POMK: variants seen among roughly 807,000 people sequenced by gnomAD.
The protein encoded by POMK is protein O-mannose kinase, also known as Sugen kinase 196.
A neutral mutation model predicts 23.0 loss-of-function variants in POMK; 19 were observed. That is an observed-to-expected ratio of 0.83 (90% CI 0.58 to 1.21). The LOEUF (loss-of-function observed/expected upper bound fraction) is 1.21, where lower values mean the gene tolerates loss of function less well. Among genes scored for constraint, POMK ranks in the 50% most tolerant of loss-of-function variants. The pLI, the probability that POMK is intolerant of heterozygous loss-of-function variation, is 0.00. For synonymous variants in POMK, 173 were observed against 171.6 expected (o/e 1.01, Z -0.06); for missense variants, 410 against 431.3 (o/e 0.95, Z 0.44).
intron 4 of POMK, among the ~76,000 whole-genome samples, chr8:43,112,774 A>T (rs1044847876): frequency 4.6e-5 from 7 of 152,212 alleles, no homozygotes; most frequent in African/African-American, 1.7e-4. Flanking sequence ...ATTCTTAGAG[A>T]AAAGAATTTT....
In POMK at chr8:43,103,630, G is replaced by T. The variant is rs201506618; in HGVS notation, c.82G>T (p.Ala28Ser). ...AGCTGTTGGGCTGCTGCTGATCATG[G>T]CCCTGATGAATACTCTGCTCTACCT... ...PPAVGLLLIM[A>S]LMNTLLYLCL... The change falls in exon 4 of 5, where the codon GCC becomes TCC. Residue 28 changes from alanine (A) to serine (S), a missense_variant. Ala to Ser is a moderately conservative substitution (Grantham distance 99). Coordinates refer to ENST00000331373, the MANE Select transcript of POMK (RefSeq NM_032237.5). 3.8e-5 allele frequency: 61 copies of T among 1,613,798 alleles called. No homozygotes were observed. Among genetic ancestry groups the T allele is most frequent in the Middle Eastern group, 1.6e-4 (1 of 6,084 alleles).
Position 43,122,959 on chromosome 8 carries a change from CTGAG to C in POMK, c.*84_*87del, listed in dbSNP as rs1318908101. 9 of 1,309,788 alleles carry C rather than the reference CTGAG, an allele frequency of 6.9e-6. No individual in the cohort carries two copies. Among genetic ancestry groups the C allele is most frequent in the Admixed American group, 2.3e-5 (1 of 44,046 alleles). The allele number at this position is 1,309,788 out of a possible 1,614,324, so 81.1% of individuals were successfully genotyped here. ...CTACTCTGATGGTGGAGTTTTTTGCCTGAGTTTCGTGTTTTATTGTTTTTTTTAT... is the reference window on the plus strand; with the variant it reads ...CTACTCTGATGGTGGAGTTTTTTGCCTTTCGTGTTTTATTGTTTTTTTTAT... On this transcript the variant is annotated 3_prime_UTR_variant, in exon 5 of 5. Transcript: ENST00000331373.
chr8:43,103,821 T>C lies in POMK; in HGVS notation c.273T>C (p.Ala91=). The C allele has an allele frequency of 1.2e-6, 2 of 1,614,176 alleles. No homozygotes were observed. The highest frequency in any genetic ancestry group is 1.7e-6 in the Non-Finnish European group (2 of 1,179,988). ...VRQLKRVGEG[A]VKRVFLSEWK... is the part of the protein sequence containing the mutation. ...AGCTGAAGCGTGTTGGGGAAGGAGC[T>C]GTAAAGAGAGTGAGTCCGGGTTCAT... Residue 91 remains alanine, a synonymous_variant, in exon 4 of 5, where the codon GCT becomes GCC. Transcript: ENST00000331373.
chr8:43,095,667 T>C lies in POMK; in HGVS notation c.-209-1857T>C, dbSNP rs144316770. Among the ~76,000 whole-genome samples the C allele has an allele frequency of 2.5e-3, 383 of 152,308 alleles. 2 individuals are homozygous for C. The highest frequency in any genetic ancestry group is 0.011 in the South Asian group (53 of 4,828). On this transcript the variant is annotated intron_variant, in intron 1 of 4. Transcript: ENST00000331373. ...GGTTTATGATGAAGCCTCTAGCCTC[T>C]TCACTTGCACAAATACCTTCCAAAA... is the stretch of plus-strand genomic sequence containing the variant.
At chr8:43,098,025 C>T (rs541322699) in intron 2 of POMK, among the ~76,000 whole-genome samples, 17 of 152,274 alleles carry the variant, frequency 1.1e-4, no homozygotes, top group African/African-American at 4.1e-4. Flanking sequence ...ATGCCATCAC[C>T]TAAGGCAGGG....
intron 3 of POMK, among the ~76,000 whole-genome samples, 177 bp downstream of exon 3, chr8:43,102,777 C>G (rs1292228866): frequency 6.6e-6 from 1 of 152,226 alleles, no homozygotes; most frequent in African/African-American, 2.4e-5. Flanking sequence ...GGTCCTACTT[C>G]AGGCTTCTCC....
intron 2 of POMK, among the ~76,000 whole-genome samples, chr8:43,099,212 A>G (rs545479551): frequency 6.6e-6 from 1 of 152,226 alleles, no homozygotes; most frequent in African/African-American, 2.4e-5. Flanking sequence ...TGGCCTCCCA[A>G]AGTGCCGGGA....
At position 43,122,148 on chromosome 8, in the gene POMK, A is replaced by C. The variant is rs764321374; in HGVS notation, c.324A>C (p.Ser108=). 1.5e-5 allele frequency: 24 copies of C among 1,614,060 alleles called. No individual in the cohort carries two copies. Among genetic ancestry groups the C allele is most frequent in the Non-Finnish European group, 2.0e-5 (24 of 1,180,038 alleles). ...GGAAGGAGCACAAAGTTGCACTCTC[A>C]CAGCTCACCAGCCTGGAGATGAAAG... ...SEWKEHKVAL[S]QLTSLEMKDD... is the part of the protein sequence containing the mutation. Residue 108 remains serine, a synonymous_variant, in exon 5 of 5, where the codon TCA becomes TCC. Coordinates refer to ENST00000331373, the MANE Select transcript of POMK (RefSeq NM_032237.5).
At position 43,122,804 on chromosome 8, in the gene POMK, T is replaced by C; in HGVS notation, c.980T>C (p.Val327Ala). 1 of 1,614,098 alleles carries C rather than the reference T, an allele frequency of 6.2e-7. No homozygotes were observed. The highest frequency in any genetic ancestry group is 8.5e-7 in the Non-Finnish European group (1 of 1,180,018). Reference sequence around the variant, plus strand: ...TCAGAAAGACCCACTGCCCAGGACGTTCTGGAGACCTACCAGAAGGTCTTG... The same window carrying C: ...TCAGAAAGACCCACTGCCCAGGACGCTCTGGAGACCTACCAGAAGGTCTTG... Reference protein sequence around the residue: ...TPSERPTAQDVLETYQKVLDT... With the variant: ...TPSERPTAQDALETYQKVLDT... The change falls in exon 5 of 5, where the codon GTT becomes GCT. Residue 327 changes from valine to alanine, a missense_variant. Coordinates refer to ENST00000331373, the MANE Select transcript of POMK (RefSeq NM_032237.5).
At chr8:43,114,110 G>A (rs555407715) in intron 4 of POMK, among the ~76,000 whole-genome samples, 148 of 152,308 alleles carry the variant, frequency 9.7e-4, no homozygotes, top group African/African-American at 2.7e-3. Context: ...CTCCAGCTGC[G>A]TGCTGGGAGA....
At chr8:43,114,584 G>A (rs139202438) in intron 4 of POMK, among the ~76,000 whole-genome samples, 11 of 152,312 alleles carry the variant, frequency 7.2e-5, no homozygotes, top group East Asian at 3.9e-4. Context: ...CTGCCTCGCC[G>A]TGCTTCGGCT....
At chr8:43,103,904 T>C in intron 4 of POMK, 74 bp downstream of exon 4, 1 of 1,435,786 alleles carries the variant, frequency 7.0e-7, no homozygotes, top group Non-Finnish European at 9.7e-7. Context: ...GCTCCATCCA[T>C]GCTGGCACGG....
rs545355001 is a variant in POMK, at chr8:43,105,733, C to T, written c.282+1903C>T. Among the ~76,000 whole-genome samples, 11 of 152,180 alleles carry T rather than the reference C, an allele frequency of 7.2e-5. No individual in the cohort carries two copies. The South Asian group carries it at 1.2e-3, about 17-fold the overall frequency. Reference sequence around the variant, plus strand: ...AGGCTGGAGTGCAATGATGCAGTCTCGACTCACTACCACCTCCACTTCTGG... The same window carrying T: ...AGGCTGGAGTGCAATGATGCAGTCTTGACTCACTACCACCTCCACTTCTGG... On this transcript the variant is annotated intron_variant, in intron 4 of 4. Coordinates refer to ENST00000331373, the MANE Select transcript of POMK (RefSeq NM_032237.5).
chr8:43,111,809 A>G (rs574037938), intron 4 of POMK, among the ~76,000 whole-genome samples: 2 of 152,320 alleles, frequency 1.3e-5, no homozygotes, highest in African/African-American at 4.8e-5. Flanking sequence ...CCAGGCAAAC[A>G]GGGTCTGGAG....
intron 1 of POMK, among the ~76,000 whole-genome samples, chr8:43,094,416 G>GTC (rs1811290794): frequency 8.5e-5 from 13 of 152,286 alleles, no homozygotes; most frequent in South Asian, 2.1e-4. Flanking sequence ...AAAGGACCGA[G>GTC]GACTCTGTCT....
In POMK at chr8:43,122,639, T is replaced by A; in HGVS notation, c.815T>A (p.Leu272His). ...YGEDVPFHDD[L>H]MPSYDEKIDI... ...GAGGACGTGCCTTTCCACGATGATC[T>A]CATGCCCTCATATGATGAGAAGATT... The change falls in exon 5 of 5, where the codon CTC becomes CAC. Residue 272 changes from leucine to histidine, a missense_variant. Leu to His is a moderately conservative substitution (Grantham distance 99). Coordinates refer to ENST00000331373, the MANE Select transcript of POMK (RefSeq NM_032237.5). The A allele has an allele frequency of 1.2e-6, 2 of 1,614,180 alleles. No homozygotes were observed.
chr8:43,112,444 T>A (rs1811693673), intron 4 of POMK, among the ~76,000 whole-genome samples: 1 of 152,234 alleles, frequency 6.6e-6, no homozygotes, highest in African/African-American at 2.4e-5. Flanking sequence ...CTGATTGGTG[T>A]ACCTGAAGGT....
At chr8:43,106,044 T>C (rs1368668247) in intron 4 of POMK, among the ~76,000 whole-genome samples, 1 of 152,220 alleles carries the variant, frequency 6.6e-6, no homozygotes, top group African/African-American at 2.4e-5. Flanking sequence ...GTTAGTTCTG[T>C]TTGTAATTTT....
At chr8:43,093,811 G>C (rs1157240182) in intron 1 of POMK, among the ~76,000 whole-genome samples, 2 of 152,252 alleles carry the variant, frequency 1.3e-5, no homozygotes, top group Non-Finnish European at 2.9e-5. Context: ...AGGGCCCGGC[G>C]AGGTGGCTCC....
Sources: allele counts gnomAD v4.1 joint callset (sites outside exome capture counted in the v4.1 genomes callset), GRCh38; gene constraint gnomAD v4.1.1; transcripts MANE v1.5; gene names NCBI Gene and HGNC (gene_info 2026-07-23, HGNC 2026-07-21).